TTN: variants seen among roughly 807,000 people sequenced by gnomAD.
TTN encodes the protein titin.
Under a neutral mutation model 3,223.0 loss-of-function variants are expected in TTN, and 1,525 were observed. The observed-to-expected ratio is 0.47, with a 90% CI of 0.45 to 0.49. TTN has a LOEUF of 0.49. Among genes scored for constraint, TTN ranks in the 20% least tolerant of loss-of-function variants. TTN has a pLI of 0.00. For missense variants in TTN, 40,786 were observed against 43,424.0 expected, an observed-to-expected ratio of 0.94 and a Z score of 5.40; for synonymous variants, 14,094 against 15,161.0, an observed-to-expected ratio of 0.93 and a Z score of 5.17.
At chr2:178,673,916 A>T (rs374157873) in intron 151 of TTN, among the ~76,000 whole-genome samples, 1 of 151,930 alleles carries the variant, frequency 6.6e-6, no homozygotes, top group East Asian at 1.9e-4. Flanking sequence ...AATACCAATT[A>T]TGCAAAATAT....
intron 240 of TTN, among the ~76,000 whole-genome samples, chr2:178,627,237 A>ACAACT (rs2059183377): frequency 1.3e-5 from 2 of 151,992 alleles, no homozygotes; most frequent in Non-Finnish European, 2.9e-5. Flanking sequence ...GACAGCCAAA[A>ACAACT]ACAACTACAA....
chr2:178,586,434 A>C lies in TTN; in HGVS notation c.64396+71T>G, dbSNP rs1478771692. On this transcript the variant is annotated intron_variant, in intron 308 of 362. Coordinates refer to ENST00000589042, the MANE Select transcript of TTN (RefSeq NM_001267550.2). ...TCTAGAGCTAGATTCCTCAGGGAGA[A>C]ATGTCTACATATAAAAGAAGAAATT... 5.8e-6 allele frequency: 9 copies of C among 1,557,304 alleles called. No individual in the cohort carries two copies. The Admixed American group carries it at 1.6e-4, about 27-fold the overall frequency.
intron 68 of TTN, 73 bp downstream of exon 68, chr2:178,727,512 G>A: frequency 6.6e-7 from 1 of 1,514,160 alleles, no homozygotes; most frequent in Admixed American, 2.3e-5. Context: ...TGATTGTTTA[G>A]AGACATTGTA....
intron 171 of TTN, 54 bp downstream of exon 171, chr2:178,663,573 T>G: frequency 6.2e-7 from 1 of 1,613,322 alleles, no homozygotes; most frequent in Non-Finnish European, 8.5e-7. Flanking sequence ...TAGAAAAATA[T>G]TTTCCAGAGC....
At position 178,727,611 on chromosome 2, in the gene TTN, G is replaced by A. The variant is rs761716450; in HGVS notation, c.19967C>T (p.Ser6656Phe). 3.1e-6 allele frequency: 5 copies of A among 1,591,082 alleles called. No homozygotes were observed. The highest frequency in any genetic ancestry group is 4.3e-6 in the Non-Finnish European group (5 of 1,168,842). ...CHVTNDVGSD[S>F]CTTMLLVTEP... ...TGTCACAAGCAACATCGTAGTACAA[G>A]AGTCGCTACCAACATCATTGGTAAC... Residue 6656 changes from serine (S) to phenylalanine (F), a missense_variant, in exon 68 of 363, where the codon TCT becomes TTT. Transcript: ENST00000589042.
Position 178,563,724 on chromosome 2 carries a change from G to T in TTN, c.82408C>A (p.Pro27470Thr), listed in dbSNP as rs886055239. ...ACTTCAGGTGTTGAGGGAGGACCTG[G>T]TGGCTTATAAGGATTACAGGCCGTA... ...PVTACNPYKP[P>T]GPPSTPEVSA... The change falls in exon 326 of 363, where the codon CCA (proline) becomes ACA (threonine). Residue 27470 changes from proline to threonine, a missense_variant. Coordinates refer to ENST00000589042, the MANE Select transcript of TTN (RefSeq NM_001267550.2). This position sits in a 1 kb window ranked among gnomAD's most constrained non-coding sequence, Gnocchi z 4.5. 7 of 1,613,602 alleles carry T rather than the reference G, an allele frequency of 4.3e-6. No individual in the cohort carries two copies. The highest frequency in any genetic ancestry group is 5.1e-6 in the Non-Finnish European group (6 of 1,179,758).
rs886038833 is a variant in TTN, at chr2:178,614,611, C to G, written c.48903G>C (p.Gln16301His). ...TWTKADMILK[Q>H]DKRITIENVP... ...CATTTTCAATGGTAATTCTTTTGTC[C>G]TGCTTCAGAATCATATCAGCCTTTG... The change falls in exon 261 of 363, where the codon CAG becomes CAC. Residue 16301 changes from glutamine (Q) to histidine (H), a missense_variant. Gln to His is a conservative substitution (Grantham distance 24, BLOSUM62 0). Transcript: ENST00000589042. 3.7e-6 allele frequency: 6 copies of G among 1,612,268 alleles called. No homozygotes were observed. The highest frequency in any genetic ancestry group is 1.3e-5 in the African/African-American group (1 of 74,772).
intron 6 of TTN, among the ~76,000 whole-genome samples, chr2:178,796,935 G>A (rs2093800342): frequency 6.6e-6 from 1 of 152,132 alleles, no homozygotes; most frequent in African/African-American, 2.4e-5. Context: ...CAAAAATCAA[G>A]ATTAAACTAT....
Position 178,551,128 on chromosome 2 carries a change from C to A in TTN, c.91403G>T (p.Trp30468Leu). Reference protein sequence around the residue: ...SIEKRQGNERWVRCNFTDVSE... With the variant: ...SIEKRQGNERLVRCNFTDVSE... ...GACGTCAGTAAAGTTGCATCTCACC[C>A]AGCGTTCATTTCCTTGCCGTTTCTC... is the stretch of plus-strand genomic sequence containing the variant. Residue 30468 changes from tryptophan (W) to leucine (L), a missense_variant, in exon 336 of 363, where the codon TGG becomes TTG. Transcript: ENST00000589042. 1.2e-6 allele frequency: 2 copies of A among 1,613,500 alleles called. No homozygotes were observed. Among genetic ancestry groups the A allele is most frequent in the Non-Finnish European group, 1.7e-6 (2 of 1,179,676 alleles).
At chr2:178,785,285 T>G (rs1561387970) in intron 15 of TTN, among the ~76,000 whole-genome samples, 1 of 152,206 alleles carries the variant, frequency 6.6e-6, no homozygotes, top group South Asian at 2.1e-4. Context: ...AACTATGCTG[T>G]GTAACACACT....
rs1280317432 is a variant in TTN, at chr2:178,647,158, A to T, written c.40142-14T>A. 1 of 1,355,256 alleles carries T rather than the reference A, an allele frequency of 7.4e-7. No homozygotes were observed. The highest frequency in any genetic ancestry group is 9.8e-7 in the Non-Finnish European group (1 of 1,017,626). 84.0% of individuals were successfully genotyped at this position (1,355,256 alleles called of 1,614,324 possible). A position where few individuals can be genotyped will look rare whatever the true frequency, so the allele number is the denominator to read the frequency against. ...GAGTCTCTTCAACTTTAAAAAACATAGTATTTTATTTTAGACTATATTTAG... is the reference window on the plus strand; with the variant it reads ...GAGTCTCTTCAACTTTAAAAAACATTGTATTTTATTTTAGACTATATTTAG... On this transcript the variant is annotated splice_polypyrimidine_tract_variant and intron_variant, in intron 214 of 362. Coordinates refer to ENST00000589042, the MANE Select transcript of TTN (RefSeq NM_001267550.2).
rs557628408 is a variant in TTN, at chr2:178,563,440, C to G, written c.82692G>C (p.Ala27564=). ...GACCTGGTGGATACAAGGCATCACACGCACGGTAGAAAACAGATGGCTCAC... is the reference window on the plus strand; with the variant it reads ...GACCTGGTGGATACAAGGCATCACAGGCACGGTAGAAAACAGATGGCTCAC... ...EPSEPSVFYR[A]CDALYPPGPP... The change falls in exon 326 of 363, where the codon GCG becomes GCC. Residue 27564 remains alanine, a synonymous_variant. Coordinates refer to ENST00000589042, the MANE Select transcript of TTN (RefSeq NM_001267550.2). This position sits in a 1 kb window ranked among gnomAD's most constrained non-coding sequence, Gnocchi z 4.5. 3 of 1,613,600 alleles carry G rather than the reference C, an allele frequency of 1.9e-6. No individual in the cohort carries two copies. Among genetic ancestry groups the G allele is most frequent in the South Asian group, 1.1e-5 (1 of 91,080 alleles).
chr2:178,749,434 C>T, intron 47 of TTN: 2 of 1,613,038 alleles, frequency 1.2e-6, no homozygotes, highest in East Asian at 2.2e-5. Flanking sequence ...AACGCACCTG[C>T]TCTTTCTGGT....
At position 178,715,701 on chromosome 2, in the gene TTN, G is replaced by A. The variant is rs1411561541; in HGVS notation, c.25713C>T (p.Cys8571=). The change falls in exon 89 of 363, where the codon TGC becomes TGT. Residue 8571 remains cysteine (C), a synonymous_variant. Transcript: ENST00000589042. ...VKQDEFTRYE[C]KIGGSPEIKV... ...TGATTTCTGGAGACCCACCGATTTT[G>A]CATTCATACCTTGTGAATTCATCCT... 6.2e-7 allele frequency: 1 copy of A among 1,608,402 alleles called. No individual in the cohort carries two copies. The highest frequency in any genetic ancestry group is 8.5e-7 in the Non-Finnish European group (1 of 1,176,978).
At chr2:178,637,497 G>C in intron 223 of TTN, 78 bp from the exon 224 acceptor site, 4 of 794,476 alleles carry the variant, frequency 5.0e-6, no homozygotes, top group Non-Finnish European at 5.4e-6. Flanking sequence ...TGGAGGGTGA[G>C]TCATGCTCCA....
chr2:178,647,101 A>G lies in TTN; in HGVS notation c.40185T>C (p.Ser13395=). The G allele has an allele frequency of 7.0e-7, 1 of 1,423,174 alleles. No homozygotes were observed. The highest frequency in any genetic ancestry group is 9.3e-7 in the Non-Finnish European group (1 of 1,080,544). 88.2% of individuals were successfully genotyped at this position (1,423,174 alleles called of 1,614,324 possible). The part of the protein sequence containing the change: ...PEEIIYEEKA[S]ITIGRKETPP... Reference sequence around the variant, plus strand: ...GAGTCTCTTTTCTACCAATGGTTATAGATGCTTTTTCTTCATATATTATTT... The same window carrying G: ...GAGTCTCTTTTCTACCAATGGTTATGGATGCTTTTTCTTCATATATTATTT... The change falls in exon 215 of 363, where the codon TCT becomes TCC. Residue 13395 remains serine (S), a synonymous_variant. Coordinates refer to ENST00000589042, the MANE Select transcript of TTN (RefSeq NM_001267550.2).
chr2:178,551,054 C>T lies in TTN; in HGVS notation c.91477G>A (p.Glu30493Lys). ...GCATTTCTTGCAATTATTCTGAACT[C>T]ATAGCGATCCCCAGGACTGAGTCCT... is the stretch of plus-strand genomic sequence containing the variant. Reference protein sequence around the residue: ...VTGLSPGDRYEFRIIARNAVG... With the variant: ...VTGLSPGDRYKFRIIARNAVG... The change falls in exon 336 of 363, where the codon GAG becomes AAG. Residue 30493 changes from glutamate (E) to lysine (K), a missense_variant. Coordinates refer to ENST00000589042, the MANE Select transcript of TTN (RefSeq NM_001267550.2). 3 of 1,613,390 alleles carry T rather than the reference C, an allele frequency of 1.9e-6. No individual in the cohort carries two copies. The highest frequency in any genetic ancestry group is 2.5e-6 in the Non-Finnish European group (3 of 1,179,604).
intron 44 of TTN, 135 bp from the exon 45 acceptor site, chr2:178,758,051 A>G: frequency 1.1e-6 from 1 of 948,748 alleles, no homozygotes; most frequent in Non-Finnish European, 1.5e-6. Context: ...TTGTCCTTGT[A>G]TGTCACTATT....
rs1559260637 is a variant in TTN, at chr2:178,557,876, C to G, written c.87478G>C (p.Glu29160Gln). The change falls in exon 328 of 363, where the codon GAG becomes CAG. Residue 29160 changes from glutamate to glutamine, a missense_variant. Transcript: ENST00000589042. ...CTTCCACCGTCATACTTAGGTGGCT[C>G]CCATTTGAGAGTCACACTTTCTTCA... is the stretch of plus-strand genomic sequence containing the variant. Reference protein sequence around the residue: ...ITEESVTLKWEPPKYDGGSQV... With the variant: ...ITEESVTLKWQPPKYDGGSQV... The G allele has an allele frequency of 3.7e-6, 6 of 1,613,802 alleles. No individual in the cohort carries two copies. The highest frequency in any genetic ancestry group is 1.7e-4 in the Middle Eastern group (1 of 6,058).
Sources: allele counts gnomAD v4.1 joint callset (sites outside exome capture counted in the v4.1 genomes callset), GRCh38; gene constraint gnomAD v4.1.1; non-coding constraint Gnocchi (gnomAD v3.1); transcripts MANE v1.5; gene names NCBI Gene and HGNC (gene_info 2026-07-23, HGNC 2026-07-21).